Variants in TAF4B observed in about 807,000 individuals in gnomAD.
TAF4B encodes transcription initiation factor TFIID subunit 4B.
In TAF4B, 38 loss-of-function variants were observed where a neutral mutation model predicts 86.4. The observed-to-expected ratio is 0.44, with a 90% CI of 0.34 to 0.58. TAF4B has a LOEUF of 0.58. TAF4B is among the 20% of genes least tolerant of loss of function. TAF4B has a pLI of 0.02. For missense variants in TAF4B, 988 were observed against 1,027.6 expected (o/e 0.96, Z 0.53); for synonymous variants, 388 against 391.2 (o/e 0.99, Z 0.10).
intron 9 of TAF4B, among the ~76,000 whole-genome samples, chr18:26,304,441 A>G (rs2056773888): frequency 6.6e-6 from 1 of 152,246 alleles, no homozygotes; most frequent in Non-Finnish European, 1.5e-5. Context: ...TACTTGAAAA[A>G]GAACCAAATA....
intron 1 of TAF4B, among the ~76,000 whole-genome samples, chr18:26,253,711 C>T (rs1201941656): frequency 6.6e-6 from 1 of 152,098 alleles, no homozygotes; most frequent in African/African-American, 2.4e-5. Flanking sequence ...CTGCGCTTTT[C>T]TTACAGATCC....
At position 26,327,057 on chromosome 18, in the gene TAF4B, C is replaced by T; in HGVS notation, c.2176C>T (p.Leu726Phe). 1 of 1,613,614 alleles carries T rather than the reference C, an allele frequency of 6.2e-7. No homozygotes were observed. Among genetic ancestry groups the T allele is most frequent in the Non-Finnish European group, 8.5e-7 (1 of 1,179,834 alleles). Residue 726 changes from leucine to phenylalanine, a missense_variant, in exon 12 of 15, where the codon CTC (leucine) becomes TTC (phenylalanine). Around this residue, in one of 3 missense-constraint regions of TAF4B, gnomAD observed 216 missense variants for 238.4 expected, o/e 0.91. Coordinates refer to ENST00000269142, the MANE Select transcript of TAF4B (RefSeq NM_005640.3). ...CCTGTGTAGTGATACCAGGTCACAG[C>T]TCAAATTTCTTGAAAAGCTGGATCA... Reference protein sequence around the residue: ...YILCSDTRSQLKFLEKLDQLE... With the variant: ...YILCSDTRSQFKFLEKLDQLE...
At chr18:26,228,891 A>G (rs767985765) in intron 1 of TAF4B, among the ~76,000 whole-genome samples, 2 of 152,164 alleles carry the variant, frequency 1.3e-5, no homozygotes, top group Non-Finnish European at 2.9e-5. Flanking sequence ...CAAATTATTT[A>G]TATTCTTTTA....
intron 14 of TAF4B, among the ~76,000 whole-genome samples, chr18:26,382,833 C>T (rs139558736): frequency 1.2e-4 from 19 of 152,202 alleles, no homozygotes; most frequent in Admixed American, 1.2e-3. Flanking sequence ...AATTACATTG[C>T]ACTGAAGACG....
intron 2 of TAF4B, among the ~76,000 whole-genome samples, chr18:26,265,571 G>C (rs2056228264): frequency 6.6e-6 from 1 of 151,964 alleles, no homozygotes; most frequent in African/African-American, 2.4e-5. Flanking sequence ...CATCTTTTTT[G>C]AGACAGGATC....
intron 1 of TAF4B, among the ~76,000 whole-genome samples, chr18:26,236,083 C>G (rs771150563): frequency 3.3e-5 from 5 of 152,112 alleles, no homozygotes; most frequent in Non-Finnish European, 5.9e-5. Flanking sequence ...TTCCAATGCC[C>G]AGACTTCAGG....
At chr18:26,367,547 G>C (rs1032321744) in intron 14 of TAF4B, among the ~76,000 whole-genome samples, 7 of 152,132 alleles carry the variant, frequency 4.6e-5, no homozygotes, top group Admixed American at 2.6e-4. Flanking sequence ...CCTTACATTG[G>C]TAAGGGTGGT....
chr18:26,285,713 G>T (rs1369835166), intron 6 of TAF4B, among the ~76,000 whole-genome samples, 169 bp from the exon 7 acceptor site: 1 of 152,186 alleles, frequency 6.6e-6, no homozygotes, highest in African/African-American at 2.4e-5. Flanking sequence ...TAAATTGATT[G>T]TATCCTGGAT....
At chr18:26,295,908 G>A (rs761936767) in intron 9 of TAF4B, among the ~76,000 whole-genome samples, 14 of 152,002 alleles carry the variant, frequency 9.2e-5, no homozygotes, top group Non-Finnish European at 1.9e-4. Context: ...GGCCCTTTCA[G>A]TATGTAGATT....
At chr18:26,355,657 A>G (rs192431799) in intron 13 of TAF4B, among the ~76,000 whole-genome samples, 1 of 152,350 alleles carries the variant, frequency 6.6e-6, no homozygotes, top group African/African-American at 2.4e-5. Flanking sequence ...TACACTACAC[A>G]TAGGGAATTT....
rs201004140 is a variant in TAF4B, at chr18:26,286,354, C to A, written c.1445C>A (p.Pro482Gln). 6.2e-7 allele frequency: 1 copy of A among 1,614,234 alleles called. No individual in the cohort carries two copies. Among genetic ancestry groups the A allele is most frequent in the Admixed American group, 1.7e-5 (1 of 60,024 alleles). Residue 482 changes from proline (P) to glutamine (Q), a missense_variant, in exon 7 of 15, where the codon CCA becomes CAA. Physicochemically the swap from Pro to Gln is moderately conservative, Grantham distance 76 (BLOSUM62 -1). Coordinates refer to ENST00000269142, the MANE Select transcript of TAF4B (RefSeq NM_005640.3). The part of the protein sequence containing the change: ...GETSGAAICL[P>Q]SVKPVVSSAG... Reference sequence around the variant, plus strand: ...ACTTCAGGTGCAGCTATTTGTCTTCCATCTGTGAAACCTGTTGTTTCTTCT... The same window carrying A: ...ACTTCAGGTGCAGCTATTTGTCTTCAATCTGTGAAACCTGTTGTTTCTTCT...
chr18:26,340,321 C>T (rs1438345098), intron 13 of TAF4B, among the ~76,000 whole-genome samples: 1 of 152,068 alleles, frequency 6.6e-6, no homozygotes, highest in Admixed American at 6.6e-5. Context: ...GATAGGTAAA[C>T]TATTAAATTA....
intron 1 of TAF4B, chr18:26,255,999 C>G: frequency 7.7e-7 from 1 of 1,302,386 alleles, no homozygotes; most frequent in Non-Finnish European, 1.1e-6. Context: ...CTGTGAGCAT[C>G]AGAATTACGA....
chr18:26,291,332 C>G (rs1330606521), intron 7 of TAF4B, among the ~76,000 whole-genome samples: 1 of 151,920 alleles, frequency 6.6e-6, no homozygotes, highest in East Asian at 1.9e-4. Flanking sequence ...GCAATCTCAG[C>G]TCACTGCAGC....
intron 5 of TAF4B, among the ~76,000 whole-genome samples, chr18:26,275,578 T>TA (rs934280003): frequency 2.6e-5 from 4 of 152,186 alleles, no homozygotes; most frequent in African/African-American, 9.7e-5. Context: ...TTTACCTTTT[T>TA]AAAAAAATTG....
At chr18:26,345,843 T>G (rs2057173609) in intron 13 of TAF4B, among the ~76,000 whole-genome samples, 1 of 152,148 alleles carries the variant, frequency 6.6e-6, no homozygotes, top group African/African-American at 2.4e-5. Context: ...AGGAAGTACA[T>G]AAAATGCCAG....
chr18:26,322,851 T>C (rs2056974072), intron 11 of TAF4B, among the ~76,000 whole-genome samples: 1 of 152,122 alleles, frequency 6.6e-6, no homozygotes, highest in African/African-American at 2.4e-5. Flanking sequence ...GAGATCTTCC[T>C]TTTATAATGT....
At chr18:26,333,090 A>C (rs1278467573) in intron 12 of TAF4B, among the ~76,000 whole-genome samples, 4 of 151,888 alleles carry the variant, frequency 2.6e-5, no homozygotes, top group Non-Finnish European at 5.9e-5. Flanking sequence ...CACTTCTCAG[A>C]GATGTCTTCC....
At chr18:26,288,203 T>G (rs907375758) in intron 7 of TAF4B, among the ~76,000 whole-genome samples, 1 of 152,196 alleles carries the variant, frequency 6.6e-6, no homozygotes, top group Non-Finnish European at 1.5e-5. Flanking sequence ...AGCATATAGG[T>G]CCCTGGGGTG....
Sources: gnomAD v4.1 joint callset for allele counts (sites outside exome capture counted in the v4.1 genomes callset) on GRCh38, gnomAD v4.1.1 for gene constraint, gnomAD v4.1.1 regional missense constraint, MANE v1.5 for transcripts, NCBI Gene and HGNC (gene_info 2026-07-23, HGNC 2026-07-21) for gene names.